The following CACNA2D1 variants were observed in gnomAD, a reference collection of about 807,000 sequenced individuals.
CACNA2D1 encodes the protein voltage-dependent calcium channel subunit alpha-2/delta-1.
A neutral mutation model predicts 171.5 loss-of-function variants in CACNA2D1; 53 were observed. The observed-to-expected ratio is 0.31, with a 90% confidence interval of 0.25 to 0.39. The LOEUF (loss-of-function observed/expected upper bound fraction) is 0.39, where lower values mean the gene tolerates loss of function less well. Among genes scored for constraint, CACNA2D1 ranks in the 10% least tolerant of loss-of-function variants. The probability of loss-of-function intolerance (pLI) is 1.00; values close to 1 mark genes in which losing one functional copy is unlikely to be tolerated. For synonymous variants in CACNA2D1, 442 were observed against 443.1 expected (o/e 1.00, Z 0.03); for missense variants, 903 against 1,299.8 (o/e 0.69, Z 4.69).
chr7:82,374,851 T>C (rs893189821), intron 1 of CACNA2D1, among the ~76,000 whole-genome samples: 2 of 151,938 alleles, frequency 1.3e-5, no homozygotes, highest in Non-Finnish European at 2.9e-5. Context: ...CTTGGATATG[T>C]AGATTGTATC....
At chr7:82,155,611 C>A (rs189970353) in intron 4 of CACNA2D1, among the ~76,000 whole-genome samples, 1 of 152,024 alleles carries the variant, frequency 6.6e-6, no homozygotes, top group African/African-American at 2.4e-5. Flanking sequence ...CTGGAGCTTC[C>A]CAGGTGGTAT....
chr7:81,950,093 C>T lies in CACNA2D1; in HGVS notation c.*299G>A. On this transcript the variant is annotated 3_prime_UTR_variant, in exon 39 of 39. Coordinates refer to ENST00000356860, the MANE Select transcript of CACNA2D1 (RefSeq NM_000722.4). ...AACAATTGTATGGGGAACCCTTTCACATGTAATCACCAACAATGCAACAAC... is the reference window on the plus strand; with the variant it reads ...AACAATTGTATGGGGAACCCTTTCATATGTAATCACCAACAATGCAACAAC... 1 of 387,834 alleles carries T rather than the reference C, an allele frequency of 2.6e-6. No homozygotes were observed. The highest frequency in any genetic ancestry group is 4.5e-5 in the East Asian group (1 of 22,198). The allele number at this position is 387,834 out of a possible 1,614,324, so 24.0% of individuals were successfully genotyped here. A position where few individuals can be genotyped will look rare whatever the true frequency, so the allele number is the denominator to read the frequency against.
rs774565705 is a variant in CACNA2D1 at position 82,000,771 on chromosome 7, CTTTTTTTTTTTTTTTTTTTTTTT to C, written c.1591-3544_1591-3522del. Among the ~76,000 whole-genome samples, 237 of 51,970 alleles carry C rather than the reference CTTTTTTTTTTTTTTTTTTTTTTT, an allele frequency of 4.6e-3. 7 individuals carry two copies. The highest frequency in any genetic ancestry group is 0.015 in the African/African-American group (220 of 15,000). The allele number at this position is 51,970 out of a possible 152,430, so 34.1% of individuals were successfully genotyped here. ...TACCATGCCTAACTAATTTTTCTTT[CTTTTTTTTTTTTTTTTTTTTTTT>C]TTTTTTTTTTTTTTTTTGTAGAGGC... is the stretch of plus-strand genomic sequence containing the variant. On this transcript the variant is annotated intron_variant, in intron 18 of 38. Transcript: ENST00000356860.
chr7:82,278,001 C>T (rs1563299327), intron 3 of CACNA2D1, among the ~76,000 whole-genome samples: 1 of 152,000 alleles, frequency 6.6e-6, no homozygotes, highest in East Asian at 1.9e-4. Flanking sequence ...GCCACCTTAG[C>T]CTCCCAAAGT....
At chr7:81,959,227 G>T in intron 38 of CACNA2D1, 48 bp downstream of exon 38, 2 of 1,286,668 alleles carry the variant, frequency 1.6e-6, no homozygotes, top group Non-Finnish European at 2.3e-6. Context: ...CTTGCGGACA[G>T]TGACCATTAA....
rs144604730 is a variant in CACNA2D1, at chr7:82,208,497, G to A, written c.295-37888C>T. On this transcript the variant is annotated intron_variant, in intron 3 of 38. Transcript: ENST00000356860. ...TATAATTAGATTAACAACTACACAG[G>A]TAACTTCCCAATGTGTTTTTAAACA... Among the ~76,000 whole-genome samples the A allele has an allele frequency of 5.4e-3, 827 of 152,178 alleles. 6 individuals are homozygous for A. Among genetic ancestry groups the A allele is most frequent in the African/African-American group, 0.019 (775 of 41,532 alleles).
chr7:82,359,493 G>C (rs1820844596), intron 1 of CACNA2D1, among the ~76,000 whole-genome samples: 1 of 152,082 alleles, frequency 6.6e-6, no homozygotes, highest in Admixed American at 6.5e-5. Context: ...AGTATCTCCA[G>C]TCCAGCGCAC....
At chr7:82,406,389 A>G (rs182524140) in intron 1 of CACNA2D1, among the ~76,000 whole-genome samples, 3,175 of 152,218 alleles carry the variant, frequency 0.021, 113 homozygotes, top group East Asian at 0.12. Context: ...ATGATTTATA[A>G]TCCTTTGGGT....
intron 16 of CACNA2D1, among the ~76,000 whole-genome samples, chr7:82,006,176 T>C (rs1799100397): frequency 6.6e-6 from 1 of 152,052 alleles, no homozygotes; most frequent in African/African-American, 2.4e-5. Flanking sequence ...TGTGTGTCTA[T>C]ATATGTGAGT....
intron 5 of CACNA2D1, among the ~76,000 whole-genome samples, chr7:82,118,426 C>G (rs1272300094): frequency 6.6e-6 from 1 of 151,946 alleles, no homozygotes; most frequent in Non-Finnish European, 1.5e-5. Context: ...GAGAAAAAAT[C>G]CTATTTGTTT....
intron 6 of CACNA2D1, among the ~76,000 whole-genome samples, chr7:82,098,901 A>G (rs561773958): frequency 1.3e-5 from 2 of 152,166 alleles, no homozygotes; most frequent in Admixed American, 1.3e-4. Flanking sequence ...TAAAACTATA[A>G]ATGACTTTTC....
chr7:81,957,271 A>ATGTTTCATTT (rs551492494), intron 38 of CACNA2D1, among the ~76,000 whole-genome samples: 179 of 152,236 alleles, frequency 1.2e-3, no homozygotes, highest in African/African-American at 4.1e-3. Context: ...AATATTGAAT[A>ATGTTTCATTT]TGTTTCATTT....
chr7:82,275,901 G>T (rs1809256434), intron 3 of CACNA2D1, among the ~76,000 whole-genome samples: 2 of 152,136 alleles, frequency 1.3e-5, no homozygotes, highest in African/African-American at 4.8e-5. Context: ...CTTCTGAACT[G>T]CCGTTTATTT....
At chr7:82,131,209 G>A (rs1446805517) in intron 5 of CACNA2D1, among the ~76,000 whole-genome samples, 1 of 152,150 alleles carries the variant, frequency 6.6e-6, no homozygotes, top group Non-Finnish European at 1.5e-5. Context: ...TACTTTAAAA[G>A]TATATTCTTG....
intron 3 of CACNA2D1, among the ~76,000 whole-genome samples, chr7:82,217,782 T>C (rs1292522242): frequency 6.6e-6 from 1 of 151,610 alleles, no homozygotes; most frequent in Non-Finnish European, 1.5e-5. Context: ...TAATACTCCA[T>C]TTTGAAAACT....
At chr7:82,084,420 T>C (rs1810199213) in intron 7 of CACNA2D1, among the ~76,000 whole-genome samples, 1 of 152,182 alleles carries the variant, frequency 6.6e-6, no homozygotes, top group South Asian at 2.1e-4. Flanking sequence ...TTCAATTCTC[T>C]AATGTGACTC....
intron 24 of CACNA2D1, among the ~76,000 whole-genome samples, chr7:81,978,761 A>ATG (rs1796125061): frequency 1.8e-5 from 2 of 113,660 alleles, no homozygotes; most frequent in African/African-American, 3.2e-5. Flanking sequence ...GTGTATATAT[A>ATG]TATATATATA....
At chr7:81,991,687 T>A (rs541678728) in intron 20 of CACNA2D1, among the ~76,000 whole-genome samples, 1 of 152,262 alleles carries the variant, frequency 6.6e-6, no homozygotes, top group African/African-American at 2.4e-5. Flanking sequence ...ATTATTATGG[T>A]ATCATAAGAG....
Position 82,283,658 on chromosome 7 carries a change from T to A in CACNA2D1, c.294+51477A>T, listed in dbSNP as rs201596472. Among the ~76,000 whole-genome samples, 760 of 147,278 alleles carry A rather than the reference T, an allele frequency of 5.2e-3. 15 individuals carry two copies. The East Asian group carries it at 0.08, about 15-fold the overall frequency. On this transcript the variant is annotated intron_variant, in intron 3 of 38. Transcript: ENST00000356860. ...GATTCTTATATACTAACAATCACCATAAAGAATCTCTATTTTTTTTAGTAA... is the reference window on the plus strand; with the variant it reads ...GATTCTTATATACTAACAATCACCAAAAAGAATCTCTATTTTTTTTAGTAA...
Sources: allele counts gnomAD v4.1 joint callset (sites outside exome capture counted in the v4.1 genomes callset), GRCh38; gene constraint gnomAD v4.1.1; transcripts MANE v1.5; gene names NCBI Gene and HGNC (gene_info 2026-07-23, HGNC 2026-07-21).